Variants in HS6ST3 observed in about 807,000 individuals in gnomAD.
HS6ST3 encodes heparan-sulfate 6-O-sulfotransferase 3.
In HS6ST3, 12 loss-of-function variants were observed where a neutral mutation model predicts 36.7. The observed-to-expected ratio is 0.33, with a 90% CI of 0.21 to 0.53. HS6ST3 has a LOEUF of 0.53. Among genes scored for constraint, HS6ST3 ranks in the 20% least tolerant of loss-of-function variants. The pLI is 0.95. For missense variants in HS6ST3, 584 were observed against 640.9 expected (o/e 0.91, Z 0.96); for synonymous variants, 240 against 257.5 (o/e 0.93, Z 0.65).
At position 96,727,586 on chromosome 13, in the gene HS6ST3, C is replaced by T. The variant is rs1038411275; in HGVS notation, c.708-104904C>T. ...CTCAGCTTGTGCTCTTTTAACTGCC[C>T]GAATAAAAAATAAAATAAAAAATAT... On this transcript the variant is annotated intron_variant, in intron 1 of 1. Transcript: ENST00000376705. Among the ~76,000 whole-genome samples the T allele has an allele frequency of 2.6e-4, 40 of 151,730 alleles. 1 individual carries two copies. The highest frequency in any genetic ancestry group is 2.4e-3 in the Admixed American group (37 of 15,208).
chr13:96,754,542 T>C (rs1160614224), intron 1 of HS6ST3, among the ~76,000 whole-genome samples: 1 of 152,224 alleles, frequency 6.6e-6, no homozygotes, highest in Non-Finnish European at 1.5e-5. Flanking sequence ...ACATCCCTCT[T>C]TTTCTATCCC....
intron 1 of HS6ST3, among the ~76,000 whole-genome samples, chr13:96,132,635 G>A (rs914899737): frequency 2.6e-5 from 4 of 151,776 alleles, no homozygotes; most frequent in African/African-American, 9.7e-5. Context: ...TGAATTCCTG[G>A]CCTCAAGTGA....
rs148625692 is a variant in HS6ST3 at position 96,442,849 on chromosome 13, C to T, written c.707+351280C>T. ...TAAGGAAAAAACAAACCAAAAAACCCACTGAAATTCTAGGAATAACAAACA... is the reference window on the plus strand; with the variant it reads ...TAAGGAAAAAACAAACCAAAAAACCTACTGAAATTCTAGGAATAACAAACA... On this transcript the variant is annotated intron_variant, in intron 1 of 1. Transcript: ENST00000376705. Among the ~76,000 whole-genome samples the T allele has an allele frequency of 2.5e-3, 369 of 150,166 alleles. 2 individuals are homozygous for T. The highest frequency in any genetic ancestry group is 0.014 in the Middle Eastern group (4 of 288).
intron 1 of HS6ST3, among the ~76,000 whole-genome samples, chr13:96,353,291 T>C (rs936316069): frequency 6.6e-6 from 1 of 152,006 alleles, no homozygotes. Context: ...GTAATGAAGA[T>C]AGTTCTTCAT....
chr13:96,290,654 A>G (rs1289198368), intron 1 of HS6ST3, among the ~76,000 whole-genome samples: 1 of 152,076 alleles, frequency 6.6e-6, no homozygotes, highest in Non-Finnish European at 1.5e-5. Flanking sequence ...CTCTCTTCCC[A>G]CTGTCAGTCT....
chr13:96,197,578 G>A (rs2139349495), intron 1 of HS6ST3, among the ~76,000 whole-genome samples: 1 of 152,270 alleles, frequency 6.6e-6, no homozygotes, highest in African/African-American at 2.4e-5. Flanking sequence ...ATAGTCCAAA[G>A]TCTCATCTGA....
chr13:96,134,579 C>A (rs1436643837), intron 1 of HS6ST3, among the ~76,000 whole-genome samples: 1 of 151,890 alleles, frequency 6.6e-6, no homozygotes, highest in Non-Finnish European at 1.5e-5. Context: ...TATTCAAAAC[C>A]CTTTCATGTT....
Position 96,219,831 on chromosome 13 carries a change from G to A in HS6ST3, c.707+128262G>A, listed in dbSNP as rs576689649. ...CCCAAGTAGCTGGGACTACAGGCGC[G>A]TGCCACCACACCCAGCTAATTTTTG... is the stretch of plus-strand genomic sequence containing the variant. On this transcript the variant is annotated intron_variant, in intron 1 of 1. Transcript: ENST00000376705. Among the ~76,000 whole-genome samples the A allele has an allele frequency of 7.2e-5, 11 of 152,160 alleles. No individual in the cohort carries two copies. In the South Asian group the frequency reaches 1.5e-3, roughly 20 times the overall value.
chr13:96,653,262 A>T (rs2056613692), intron 1 of HS6ST3, among the ~76,000 whole-genome samples: 1 of 152,006 alleles, frequency 6.6e-6, no homozygotes, highest in Admixed American at 6.6e-5. Flanking sequence ...CAGAATGTGT[A>T]GGTTTGTTAC....
intron 1 of HS6ST3, among the ~76,000 whole-genome samples, chr13:96,655,362 G>T (rs1013989281): frequency 6.6e-6 from 1 of 152,194 alleles, no homozygotes; most frequent in Middle Eastern, 3.4e-3. Flanking sequence ...CTACCAAAGT[G>T]TTGGAAAGCA....
chr13:96,387,494 A>G (rs2055374129), intron 1 of HS6ST3, among the ~76,000 whole-genome samples: 1 of 152,214 alleles, frequency 6.6e-6, no homozygotes, highest in East Asian at 1.9e-4. Flanking sequence ...ATGGTGGTTA[A>G]AACATTTTCT....
chr13:96,386,118 A>G (rs2055366583), intron 1 of HS6ST3, among the ~76,000 whole-genome samples: 1 of 152,264 alleles, frequency 6.6e-6, no homozygotes, highest in Non-Finnish European at 1.5e-5. Flanking sequence ...AAGATCCATA[A>G]GAGAAAACAT....
chr13:96,821,946 C>G (rs550974609), intron 1 of HS6ST3, among the ~76,000 whole-genome samples: 1 of 152,320 alleles, frequency 6.6e-6, no homozygotes, highest in African/African-American at 2.4e-5. Flanking sequence ...ACATGCCTTG[C>G]TCTTAAATAT....
chr13:96,523,255 C>T (rs2056100941), intron 1 of HS6ST3, among the ~76,000 whole-genome samples: 1 of 152,168 alleles, frequency 6.6e-6, no homozygotes, highest in Non-Finnish European at 1.5e-5. Flanking sequence ...ATCAGCTTTC[C>T]TTTGTGAGTA....
chr13:96,355,446 G>A (rs1475537780), intron 1 of HS6ST3, among the ~76,000 whole-genome samples: 1 of 150,760 alleles, frequency 6.6e-6, no homozygotes, highest in African/African-American at 2.4e-5. Context: ...TGATAATGTG[G>A]GTTTGGTTCC....
At position 96,260,807 on chromosome 13, in the gene HS6ST3, T is replaced by C. The variant is rs2054662615; in HGVS notation, c.707+169238T>C. ...GGCACGCACCACCACACCTAGCGAATTTTTGTATTTTTAGTAAAAATGGGG... is the reference window on the plus strand; with the variant it reads ...GGCACGCACCACCACACCTAGCGAACTTTTGTATTTTTAGTAAAAATGGGG... On this transcript the variant is annotated intron_variant, in intron 1 of 1. Coordinates refer to ENST00000376705, the MANE Select transcript of HS6ST3 (RefSeq NM_153456.4). Among the ~76,000 whole-genome samples, 3 of 152,120 alleles carry C rather than the reference T, an allele frequency of 2.0e-5. No individual in the cohort carries two copies. The South Asian group carries it at 6.2e-4, about 32-fold the overall frequency.
intron 1 of HS6ST3, among the ~76,000 whole-genome samples, chr13:96,435,800 CT>C (rs1397299805): frequency 1.8e-5 from 2 of 113,020 alleles, no homozygotes; most frequent in Non-Finnish European, 3.4e-5. Context: ...TAAGTTATCA[CT>C]CCTTTTTTTT....
At chr13:96,492,262 CTCTT>C (rs1386319384) in intron 1 of HS6ST3, among the ~76,000 whole-genome samples, 1 of 152,200 alleles carries the variant, frequency 6.6e-6, no homozygotes, top group African/African-American at 2.4e-5. Flanking sequence ...GACAGTGACA[CTCTT>C]TCTACAGCAA....
rs145367589 is a variant in HS6ST3 at position 96,691,549 on chromosome 13, A to G, written c.708-140941A>G. 3.5e-4 allele frequency among the ~76,000 whole-genome samples: 53 copies of G among 152,056 alleles called. 2 individuals are homozygous for G. In the Middle Eastern group the frequency reaches 0.027, roughly 78 times the overall value. On this transcript the variant is annotated intron_variant, in intron 1 of 1. Transcript: ENST00000376705. ...CTAGCCAGCTCAGAAATCTCTGATCAGTTCTTCTTCTTTATTTTATCTTAT... is the reference window on the plus strand; with the variant it reads ...CTAGCCAGCTCAGAAATCTCTGATCGGTTCTTCTTCTTTATTTTATCTTAT...
Sources: allele counts gnomAD v4.1 joint callset (sites outside exome capture counted in the v4.1 genomes callset), GRCh38; gene constraint gnomAD v4.1.1; transcripts MANE v1.5; gene names NCBI Gene and HGNC (gene_info 2026-07-23, HGNC 2026-07-21).